Variants in CAMTA1 observed in about 807,000 individuals in gnomAD.
The protein encoded by CAMTA1 is calmodulin-binding transcription activator 1.
In CAMTA1, 27 loss-of-function variants were observed where a neutral mutation model predicts 170.9. That is an observed-to-expected ratio of 0.16 (90% confidence interval 0.12 to 0.22). The LOEUF (loss-of-function observed/expected upper bound fraction) is 0.22. Among genes scored for constraint, CAMTA1 ranks in the 10% least tolerant of loss-of-function variants. The pLI is 1.00. For synonymous variants in CAMTA1, 833 were observed against 891.5 expected, an observed-to-expected ratio of 0.93 and a Z score of 1.17; for missense variants, 1,619 against 2,217.2, an observed-to-expected ratio of 0.73 and a Z score of 5.42.
intron 1 of CAMTA1, among the ~76,000 whole-genome samples, chr1:6,786,597 A>T (rs1039458393): frequency 7.2e-5 from 11 of 152,194 alleles, no homozygotes; most frequent in Admixed American, 7.2e-4. Flanking sequence ...ATTTCTAAAT[A>T]GGAAAGCAGA....
chr1:7,662,726 G>A (rs192112452), intron 8 of CAMTA1, among the ~76,000 whole-genome samples: 3 of 152,278 alleles, frequency 2.0e-5, no homozygotes, highest in Non-Finnish European at 4.4e-5. Context: ...GTACCCCAGA[G>A]AGCTGAGGGT....
At chr1:7,618,360 C>G (rs2095574115) in intron 6 of CAMTA1, among the ~76,000 whole-genome samples, 1 of 152,212 alleles carries the variant, frequency 6.6e-6, no homozygotes, top group Non-Finnish European at 1.5e-5. Flanking sequence ...GAACCACTTT[C>G]TAGGATCGGG....
chr1:7,276,466 A>G (rs796647863), intron 5 of CAMTA1, among the ~76,000 whole-genome samples: 31 of 150,926 alleles, frequency 2.1e-4, no homozygotes, highest in African/African-American at 7.3e-4. Flanking sequence ...GCCCGCCACC[A>G]TGCCTGGCTA....
At chr1:7,130,495 A>G (rs539332013) in intron 4 of CAMTA1, among the ~76,000 whole-genome samples, 1 of 152,164 alleles carries the variant, frequency 6.6e-6, no homozygotes, top group Non-Finnish European at 1.5e-5. Context: ...GTTGGGTTGT[A>G]TGGGAAGTAT....
chr1:6,803,134 G>T lies in CAMTA1; in HGVS notation c.46-17047G>T, dbSNP rs116737574. On this transcript the variant is annotated intron_variant, in intron 1 of 22. Coordinates refer to ENST00000303635, the MANE Select transcript of CAMTA1 (RefSeq NM_015215.4). Reference sequence around the variant, plus strand: ...GGTCTTTGCCCTGTGGGTGTTCTCAGGTGGAATCAGGCAGTTTGGGTGATG... The same window carrying T: ...GGTCTTTGCCCTGTGGGTGTTCTCATGTGGAATCAGGCAGTTTGGGTGATG... Among the ~76,000 whole-genome samples the T allele has an allele frequency of 5.1e-3, 776 of 152,320 alleles. 8 individuals carry two copies. The highest frequency in any genetic ancestry group is 0.018 in the African/African-American group (730 of 41,548).
chr1:6,847,731 T>C (rs912384505), intron 3 of CAMTA1, among the ~76,000 whole-genome samples: 1 of 143,782 alleles, frequency 7.0e-6, no homozygotes, highest in Non-Finnish European at 1.5e-5. Flanking sequence ...TGAGATGGAG[T>C]CCCCCTCTGT....
intron 12 of CAMTA1, among the ~76,000 whole-genome samples, chr1:7,734,341 C>G (rs181484481): frequency 3.9e-5 from 6 of 152,174 alleles, no homozygotes; most frequent in Non-Finnish European, 8.8e-5. Context: ...CTTTCACCAA[C>G]AAAAGTGGCA....
Position 6,861,655 on chromosome 1 carries a change from T to C in CAMTA1, c.234+36445T>C, listed in dbSNP as rs1490147668. Among the ~76,000 whole-genome samples, 4 of 152,202 alleles carry C rather than the reference T, an allele frequency of 2.6e-5. No homozygotes were observed. The South Asian group carries it at 8.3e-4, about 32-fold the overall frequency. Reference sequence around the variant, plus strand: ...GCTAATGTTCTTCAACTTTAAAATTTTCTCATGACACGTCATTGTAGCTTG... The same window carrying C: ...GCTAATGTTCTTCAACTTTAAAATTCTCTCATGACACGTCATTGTAGCTTG... On this transcript the variant is annotated intron_variant, in intron 3 of 22. Coordinates refer to ENST00000303635, the MANE Select transcript of CAMTA1 (RefSeq NM_015215.4).
rs115906335 is a variant in CAMTA1, at chr1:7,612,025, A to C, written c.511-28375A>C. Among the ~76,000 whole-genome samples, 520 of 152,352 alleles carry C rather than the reference A, an allele frequency of 3.4e-3. 2 individuals carry two copies. The highest frequency in any genetic ancestry group is 0.012 in the African/African-American group (491 of 41,592). On this transcript the variant is annotated intron_variant, in intron 6 of 22. Transcript: ENST00000303635. ...GCAAGTGCTTTTGGGCTCTGGCCCC[A>C]TGGTAGCATCTAGAGGTGTGTTACA...
chr1:7,100,986 CGCCCAGGG>C (rs1284394194), intron 4 of CAMTA1, among the ~76,000 whole-genome samples: 1 of 152,198 alleles, frequency 6.6e-6, no homozygotes, highest in Non-Finnish European at 1.5e-5. Flanking sequence ...GGAGACTGCC[CGCCCAGGG>C]TGACCCTTGC....
chr1:7,121,518 G>C (rs1051100312), intron 4 of CAMTA1, among the ~76,000 whole-genome samples: 1 of 152,222 alleles, frequency 6.6e-6, no homozygotes, highest in South Asian at 2.1e-4. Flanking sequence ...GCGGTCATGG[G>C]TGAAGTGCAT....
chr1:7,012,761 G>A (rs1431323776), intron 3 of CAMTA1, among the ~76,000 whole-genome samples: 1 of 152,048 alleles, frequency 6.6e-6, no homozygotes, highest in African/African-American at 2.4e-5. Context: ...TCTGAATTCT[G>A]TCTTGCTCCT....
intron 4 of CAMTA1, among the ~76,000 whole-genome samples, chr1:7,143,798 A>G (rs1032825159): frequency 2.0e-5 from 3 of 152,258 alleles, no homozygotes; most frequent in African/African-American, 7.2e-5. Flanking sequence ...GTCAACTTAT[A>G]CTAAGTGTAC....
chr1:6,978,300 C>T (rs1051270498), intron 3 of CAMTA1, among the ~76,000 whole-genome samples: 1 of 152,094 alleles, frequency 6.6e-6, no homozygotes, highest in African/African-American at 2.4e-5. Context: ...GATTATTATG[C>T]ACTGCATGGC....
intron 5 of CAMTA1, among the ~76,000 whole-genome samples, chr1:7,453,940 G>T (rs1378584613): frequency 6.6e-6 from 1 of 152,260 alleles, no homozygotes; most frequent in Non-Finnish European, 1.5e-5. Flanking sequence ...AGGCGTGTTG[G>T]GTTAAGACCT....
intron 3 of CAMTA1, among the ~76,000 whole-genome samples, chr1:7,021,275 A>C (rs1230857939): frequency 2.6e-5 from 4 of 152,194 alleles, no homozygotes; most frequent in African/African-American, 9.6e-5. Context: ...TGGAGTAGGA[A>C]GGTGCGGGGT....
At chr1:6,974,123 G>A (rs1266354938) in intron 3 of CAMTA1, among the ~76,000 whole-genome samples, 2 of 152,188 alleles carry the variant, frequency 1.3e-5, no homozygotes, top group African/African-American at 2.4e-5. Context: ...TGTGGAGCTC[G>A]GTCTGGGCTG....
chr1:7,043,358 T>A (rs1704788260), intron 3 of CAMTA1, among the ~76,000 whole-genome samples: 1 of 98,760 alleles, frequency 1.0e-5, no homozygotes, highest in African/African-American at 5.5e-5. Flanking sequence ...CACTTGAGTG[T>A]GTGCATGTCT....
chr1:7,684,125 G>A (rs1045527251), intron 11 of CAMTA1, among the ~76,000 whole-genome samples: 1 of 152,236 alleles, frequency 6.6e-6, no homozygotes, highest in Non-Finnish European at 1.5e-5. Context: ...GCCCTGCGGA[G>A]AAATGGCCTT....
Sources: allele counts gnomAD v4.1 joint callset (sites outside exome capture counted in the v4.1 genomes callset), GRCh38; gene constraint gnomAD v4.1.1; transcripts MANE v1.5; gene names NCBI Gene and HGNC (gene_info 2026-07-23, HGNC 2026-07-21).